ZNF800: variants seen among roughly 807,000 people sequenced by gnomAD.
ZNF800 encodes the protein zinc finger protein 800.
Under a neutral mutation model 59.5 loss-of-function variants are expected in ZNF800, and 13 were observed. The ratio of observed to expected loss-of-function variants is 0.22; its 90% CI spans 0.14 to 0.35. The LOEUF is 0.35. Ranked by LOEUF, ZNF800 falls within the 10% of genes least tolerant of loss-of-function variation. The pLI, the probability that ZNF800 is intolerant of heterozygous loss-of-function variation, is 1.00. For synonymous variants in ZNF800, 266 were observed against 265.7 expected (o/e 1.00, Z -0.01); for missense variants, 621 against 783.7 (o/e 0.79, Z 2.48).
intron 3 of ZNF800, among the ~76,000 whole-genome samples, chr7:127,379,832 T>TTCCCCCCCCCC (rs1800903206): frequency 1.8e-5 from 1 of 54,388 alleles, no homozygotes; most frequent in Non-Finnish European, 3.4e-5. Context: ...CCCTTACCCT[T>TTCCCCCCCCCC]GCCACCCCCC....
At chr7:127,367,787 C>T (rs1383973846), downstream of ZNF800, among the ~76,000 whole-genome samples, 1 of 152,126 alleles carries the variant, frequency 6.6e-6, no homozygotes, top group Non-Finnish European at 1.5e-5. Context: ...TCTTGGTATA[C>T]ATGAAAATGT....
intron 1 of ZNF800, among the ~76,000 whole-genome samples, chr7:127,357,676 G>A (rs1283014597): frequency 1.3e-5 from 2 of 151,876 alleles, no homozygotes; most frequent in Admixed American, 6.6e-5. Context: ...CCTTTTTCAA[G>A]AAATAATCTT....
Position 127,374,112 on chromosome 7 carries a change from AACTTTT to A in ZNF800, c.1218_1223del (p.Lys409_Val410del). 1 of 1,613,922 alleles carries A rather than the reference AACTTTT, an allele frequency of 6.2e-7. No individual in the cohort carries two copies. The highest frequency in any genetic ancestry group is 8.5e-7 in the Non-Finnish European group (1 of 1,179,960). On this transcript the variant is annotated inframe_deletion, in exon 5 of 6. Transcript: ENST00000265827. ...CTACAGAATCTGCTGGTTCAACTTT[AACTTTT>A]ATTTCTGAACTGTTGGCAGTATTAT...
In ZNF800 at chr7:127,375,396, T is replaced by C. The variant is rs182497177; in HGVS notation, c.302-362A>G. On this transcript the variant is annotated intron_variant, in intron 4 of 5. Coordinates refer to ENST00000265827, the MANE Select transcript of ZNF800 (RefSeq NM_176814.5). ...AGACTAGCAAAGGCAACTCAAATTC[T>C]CGTAACTCAATTGATAAAACAGCAT... Among the ~76,000 whole-genome samples, 12 of 152,202 alleles carry C rather than the reference T, an allele frequency of 7.9e-5. 1 individual carries two copies. In the East Asian group the frequency reaches 1.7e-3, roughly 22 times the overall value.
chr7:127,354,224 CTTA>C (rs900334429), intron 1 of ZNF800, among the ~76,000 whole-genome samples: 18 of 152,132 alleles, frequency 1.2e-4, no homozygotes, highest in Admixed American at 7.2e-4. Flanking sequence ...ATAAATTTCC[CTTA>C]TTATTTTTTA....
downstream of ZNF800, among the ~76,000 whole-genome samples, chr7:127,367,398 C>T (rs1358697336): frequency 6.6e-6 from 1 of 152,052 alleles, no homozygotes; most frequent in Non-Finnish European, 1.5e-5. Context: ...AGTTTCTTAC[C>T]AGCTATGTGA....
chr7:127,383,990 A>G (rs1350054150), intron 3 of ZNF800, among the ~76,000 whole-genome samples: 1 of 152,160 alleles, frequency 6.6e-6, no homozygotes, highest in Non-Finnish European at 1.5e-5. Flanking sequence ...TACCCGTTTC[A>G]CTGCCTCACT....
At chr7:127,382,600 C>T (rs1175239308) in intron 3 of ZNF800, among the ~76,000 whole-genome samples, 1 of 152,160 alleles carries the variant, frequency 6.6e-6, no homozygotes, top group Admixed American at 6.5e-5. Context: ...GAGCAAACAG[C>T]AGGTCTCAAG....
At chr7:127,373,282 A>G (rs1349219893) in intron 5 of ZNF800, 60 bp downstream of exon 5, 6 of 1,524,448 alleles carry the variant, frequency 3.9e-6, no homozygotes, top group Non-Finnish European at 5.3e-6. Flanking sequence ...TTATGGTCAA[A>G]TGATTTTTTT....
intron 2 of ZNF800, among the ~76,000 whole-genome samples, chr7:127,391,198 T>C (rs930590903): frequency 6.6e-6 from 1 of 152,162 alleles, no homozygotes; most frequent in African/African-American, 2.4e-5. Context: ...TTTTAAACAT[T>C]TACAGACCAT....
At chr7:127,381,059 C>A (rs1261441987) in intron 3 of ZNF800, among the ~76,000 whole-genome samples, 1 of 152,170 alleles carries the variant, frequency 6.6e-6, no homozygotes, top group Non-Finnish European at 1.5e-5. Flanking sequence ...TTCAATTTTA[C>A]ATTAGGTTGG....
chr7:127,359,828 A>C (rs377116051), intron 1 of ZNF800: 3 of 152,146 alleles, frequency 2.0e-5, no homozygotes, highest in Admixed American at 6.6e-5. Context: ...GACAATATCC[A>C]AACCAAAACT....
chr7:127,376,947 A>G (rs7796747), intron 4 of ZNF800, among the ~76,000 whole-genome samples: 23,345 of 151,950 alleles, frequency 0.15, 1,896 homozygotes, highest in Middle Eastern at 0.22. Context: ...CTAACCTCTT[A>G]TATGTCATCT....
intron 3 of ZNF800, among the ~76,000 whole-genome samples, chr7:127,382,769 T>C (rs1157686483): frequency 2.0e-5 from 3 of 152,228 alleles, no homozygotes; most frequent in African/African-American, 7.2e-5. Flanking sequence ...TAGAGTCAGC[T>C]ACCATTTGTG....
chr7:127,351,216 T>C (rs1306217161), intron 1 of ZNF800, among the ~76,000 whole-genome samples: 1 of 152,200 alleles, frequency 6.6e-6, no homozygotes, highest in Non-Finnish European at 1.5e-5. Context: ...CCCACCTCTG[T>C]ACTTTTGTTC....
chr7:127,344,489 T>C (rs1051457027), downstream of ZNF800, among the ~76,000 whole-genome samples: 4 of 151,970 alleles, frequency 2.6e-5, no homozygotes, highest in Admixed American at 2.0e-4. Context: ...AAAATGGCAA[T>C]AGAATTTCTT....
chr7:127,363,826 T>C (rs971596430), intron 1 of ZNF800: 1 of 151,996 alleles, frequency 6.6e-6, no homozygotes, highest in African/African-American at 2.4e-5. Context: ...AAGAATAATC[T>C]ATTCTTGGAA....
chr7:127,351,699 C>T (rs913113401), intron 1 of ZNF800, among the ~76,000 whole-genome samples: 9 of 152,192 alleles, frequency 5.9e-5, no homozygotes, highest in African/African-American at 1.9e-4. Context: ...TGAAATCCTA[C>T]ATTTACCCAT....
chr7:127,391,881 C>G (rs988856897), intron 1 of ZNF800, among the ~76,000 whole-genome samples, 179 bp downstream of exon 1: 2 of 151,616 alleles, frequency 1.3e-5, no homozygotes, highest in African/African-American at 4.8e-5. Flanking sequence ...GCGGCCTCGC[C>G]GTCCCGGGCG....
Sources: allele counts gnomAD v4.1 joint callset (sites outside exome capture counted in the v4.1 genomes callset), GRCh38; gene constraint gnomAD v4.1.1; transcripts MANE v1.5; gene names NCBI Gene and HGNC (gene_info 2026-07-23, HGNC 2026-07-21).